SH3BP2: variants seen among roughly 807,000 people sequenced by gnomAD.
The protein encoded by SH3BP2 is SH3 domain-binding protein 2.
SH3BP2 carries 38 observed loss-of-function variants against 56.2 expected under a neutral mutation model. The observed-to-expected ratio is 0.68, with a 90% CI of 0.52 to 0.89. The LOEUF is 0.89. Ranked by LOEUF, SH3BP2 falls within the 40% of genes least tolerant of loss-of-function variation. The probability of loss-of-function intolerance (pLI) is 0.00; values close to 1 mark genes in which losing one functional copy is unlikely to be tolerated. For synonymous variants in SH3BP2, 346 were observed against 316.7 expected (o/e 1.09, Z -0.98); for missense variants, 748 against 762.6 (o/e 0.98, Z 0.23).
rs1035047622 is a variant in SH3BP2 at position 2,810,575 on chromosome 4, C to T, written c.-4-10039C>T. ...GTTCTTATCTTCATGGGTTGTCATC[C>T]CTGAAGCTGTGCGTTGGCCACCTCA... On this transcript the variant is annotated intron_variant, in intron 1 of 12. Coordinates refer to ENST00000503393, the MANE Select transcript of SH3BP2 (RefSeq NM_001122681.2). The surrounding 1 kb of genome is among the most constrained non-coding windows in gnomAD (Gnocchi z 4.2). Among the ~76,000 whole-genome samples the T allele has an allele frequency of 5.9e-5, 9 of 152,066 alleles. No individual in the cohort carries two copies. Among genetic ancestry groups the T allele is most frequent in the African/African-American group, 2.2e-4 (9 of 41,482 alleles).
intron 5 of SH3BP2, chr4:2,826,281 ATGTCCGCGTGTTGCTCTGTGTGTG>A: frequency 2.0e-5 from 1 of 49,972 alleles, no homozygotes; most frequent in Non-Finnish European, 5.1e-5. Flanking sequence ...GTGTGTGTGC[ATGTCCGCGTGTTGCTCTGTGTGTG>A]TGTGTGCAAT....
intron 1 of SH3BP2, among the ~76,000 whole-genome samples, chr4:2,813,037 C>G (rs1723832329): frequency 6.6e-6 from 1 of 152,202 alleles, no homozygotes; most frequent in South Asian, 2.1e-4. Context: ...CACCCTGCCC[C>G]TGGCCAGCAG....
chr4:2,800,413 C>G (rs953238220), intron 1 of SH3BP2, among the ~76,000 whole-genome samples: 1 of 152,154 alleles, frequency 6.6e-6, no homozygotes, highest in African/African-American at 2.4e-5. Flanking sequence ...CTGAGCTGCC[C>G]GAGCCTGCCC....
intron 1 of SH3BP2, among the ~76,000 whole-genome samples, chr4:2,803,102 C>T (rs913951061): frequency 6.6e-6 from 1 of 152,214 alleles, no homozygotes; most frequent in Non-Finnish European, 1.5e-5. Flanking sequence ...CGAAAAGTAC[C>T]ACGGTGATGA....
rs1577374118 is a variant in SH3BP2, at chr4:2,833,940, T to C, written c.*106T>C. On this transcript the variant is annotated 3_prime_UTR_variant, in exon 13 of 13. Transcript: ENST00000503393. ...GGGAGGGTGAGCAGGAGCAAGGCTG[T>C]GCTTGCCTAGGGCCTCTGTGATGGA... The C allele has an allele frequency of 7.4e-7, 1 of 1,348,480 alleles. No homozygotes were observed. 83.5% of individuals were successfully genotyped at this position (1,348,480 alleles called of 1,614,324 possible).
At chr4:2,815,593 G>A (rs1377426565) in intron 1 of SH3BP2, among the ~76,000 whole-genome samples, 1 of 152,208 alleles carries the variant, frequency 6.6e-6, no homozygotes, top group Non-Finnish European at 1.5e-5. Context: ...AGGAGGAGGT[G>A]GTGGGTTCCA....
chr4:2,796,044 G>A (rs1282479981), intron 1 of SH3BP2, among the ~76,000 whole-genome samples: 2 of 152,172 alleles, frequency 1.3e-5, no homozygotes, highest in Non-Finnish European at 2.9e-5. Context: ...CCTGTGCACG[G>A]GAGGGTAGAC....
chr4:2,807,280 C>G (rs1441440079), intron 1 of SH3BP2, among the ~76,000 whole-genome samples: 1 of 152,218 alleles, frequency 6.6e-6, no homozygotes, highest in African/African-American at 2.4e-5. Context: ...CCAATTAGCG[C>G]TAAGTCACAA....
intron 10 of SH3BP2, 117 bp from the exon 11 acceptor site, chr4:2,832,214 C>T (rs1396495262): frequency 1.9e-6 from 2 of 1,066,176 alleles, no homozygotes; most frequent in African/African-American, 3.1e-5. Flanking sequence ...ACGTGCTCAG[C>T]TCCTGAGACC....
chr4:2,832,307 G>C, intron 10 of SH3BP2, 24 bp from the exon 11 acceptor site: 1 of 1,596,780 alleles, frequency 6.3e-7, no homozygotes, highest in South Asian at 1.1e-5. Context: ...GGACTCACCC[G>C]CTAATATGAC....
intron 12 of SH3BP2, 146 bp downstream of exon 12, chr4:2,833,195 T>C (rs1469530003): frequency 2.7e-6 from 2 of 736,204 alleles, no homozygotes; most frequent in African/African-American, 3.5e-5. Context: ...CCACCATCGC[T>C]CACCCCCCAC....
At position 2,823,036 on chromosome 4, in the gene SH3BP2, C is replaced by A. The variant is rs372066896; in HGVS notation, c.238C>A (p.Arg80=). 4 of 1,610,750 alleles carry A rather than the reference C, an allele frequency of 2.5e-6. No homozygotes were observed. Among genetic ancestry groups the A allele is most frequent in the Non-Finnish European group, 3.4e-6 (4 of 1,177,394 alleles). ...QGAFSLSGYN[R]VMRAAEETTS... The stretch of plus-strand genomic sequence containing the variant: ...CGCCTTCTCCCTGAGTGGCTATAAC[C>A]GGTAAGTGCCCGACCTGCCTGCTGA... Residue 80 remains arginine (R), a splice_region_variant and synonymous_variant, in exon 3 of 13, where the codon CGG becomes AGG. Transcript: ENST00000503393.
chr4:2,811,976 C>T, intron 1 of SH3BP2: 1 of 304,360 alleles, frequency 3.3e-6, no homozygotes, highest in Non-Finnish European at 6.3e-6. Flanking sequence ...CAGGTTGTTT[C>T]ATGGTTTGCT....
At chr4:2,824,883 T>A in intron 4 of SH3BP2, 153 bp downstream of exon 4, 1 of 695,086 alleles carries the variant, frequency 1.4e-6, no homozygotes, top group Non-Finnish European at 2.5e-6. Flanking sequence ...GGCAGCTGGG[T>A]GGGTGCTGCC....
rs1725069342 is a variant in SH3BP2 at position 2,832,871 on chromosome 4, C to CA, written c.1489-119_1489-118insA. The CA allele has an allele frequency of 1.9e-6, 2 of 1,029,490 alleles. 1 individual carries two copies. The highest frequency in any genetic ancestry group is 3.1e-5 in the African/African-American group (2 of 63,750). The allele number at this position is 1,029,490 out of a possible 1,614,324, so 63.8% of individuals were successfully genotyped here. On this transcript the variant is annotated intron_variant, in intron 11 of 12. Coordinates refer to ENST00000503393, the MANE Select transcript of SH3BP2 (RefSeq NM_001122681.2). ...GGTGGTCTGGAGTCCCTCCCCGCCC[C>CA]CCGAGGGCCACAGGACCCAGCCTTG...
chr4:2,839,213 C>G lies in SH3BP2; in HGVS notation c.*5379C>G, dbSNP rs1198638782. 6.6e-6 allele frequency: 1 copy of G among 150,744 alleles called. No individual in the cohort carries two copies. Among genetic ancestry groups the G allele is most frequent in the Non-Finnish European group, 1.5e-5 (1 of 67,834 alleles). 9.3% of individuals were successfully genotyped at this position (150,744 alleles called of 1,614,324 possible). A position where few individuals can be genotyped will look rare whatever the true frequency, so the allele number is the denominator to read the frequency against. On this transcript the variant is annotated 3_prime_UTR_variant, in exon 13 of 13. Coordinates refer to ENST00000503393, the MANE Select transcript of SH3BP2 (RefSeq NM_001122681.2). ...CTGAGACAGGGTCTCACTCTGTTGC[C>G]CTGGCTGGAGTGCAGTGGTGCAATC...
chr4:2,798,949 C>A (rs1361235370), intron 1 of SH3BP2: 1 of 979,838 alleles, frequency 1.0e-6, no homozygotes, highest in Admixed American at 6.2e-5. Flanking sequence ...GCCCATCCAG[C>A]TGCTGGGGCG....
chr4:2,813,971 C>G (rs1209585098), intron 1 of SH3BP2, among the ~76,000 whole-genome samples: 1 of 152,216 alleles, frequency 6.6e-6, no homozygotes, highest in Non-Finnish European at 1.5e-5. Flanking sequence ...CCCCAACTTG[C>G]CCTGTGGCTC....
intron 1 of SH3BP2, chr4:2,818,363 A>C: frequency 1.7e-6 from 2 of 1,171,764 alleles, no homozygotes; most frequent in Non-Finnish European, 1.1e-6. Context: ...GCCCCGGGGA[A>C]GCCGGCCATG....
Sources: allele counts gnomAD v4.1 joint callset (sites outside exome capture counted in the v4.1 genomes callset), GRCh38; gene constraint gnomAD v4.1.1; non-coding constraint Gnocchi (gnomAD v3.1); transcripts MANE v1.5; gene names NCBI Gene and HGNC (gene_info 2026-07-23, HGNC 2026-07-21).